The following CTRC variants were observed in gnomAD, a reference collection of about 807,000 sequenced individuals.
CTRC encodes chymotrypsin C.
In CTRC, 32 loss-of-function variants were observed where a neutral mutation model predicts 35.7. That is an observed-to-expected ratio of 0.90 (90% CI 0.68 to 1.20). The LOEUF (loss-of-function observed/expected upper bound fraction) is 1.20, where lower values mean the gene tolerates loss of function less well. CTRC is among the 50% of genes most tolerant of loss of function. The pLI is 0.00. For synonymous variants in CTRC, 119 were observed against 149.5 expected, an observed-to-expected ratio of 0.80 and a Z score of 1.49; for missense variants, 324 against 361.5, an observed-to-expected ratio of 0.90 and a Z score of 0.84.
intron 1 of CTRC, 91 bp downstream of exon 1, chr1:15,438,595 C>T: frequency 1.4e-6 from 2 of 1,451,026 alleles, no homozygotes. Context: ...GGGGCCTCTG[C>T]TCTCCAGGTA....
intron 7 of CTRC, among the ~76,000 whole-genome samples, chr1:15,446,061 C>T (rs1708217559): frequency 6.6e-6 from 1 of 152,178 alleles, no homozygotes; most frequent in Non-Finnish European, 1.5e-5. Flanking sequence ...CATTCATTTG[C>T]TCATTCAGTG....
rs1708246073 is a variant in CTRC, at chr1:15,448,039, A to G, written c.*1450A>G. 6.6e-6 allele frequency: 1 copy of G among 152,222 alleles called. No individual in the cohort carries two copies. Among genetic ancestry groups the G allele is most frequent in the Non-Finnish European group, 1.5e-5 (1 of 68,048 alleles). The allele number at this position is 152,222 out of a possible 1,614,324, so 9.4% of individuals were successfully genotyped here. A position where few individuals can be genotyped will look rare whatever the true frequency, so the allele number is the denominator to read the frequency against. ...TGAAGCAGTGTCAGTTGGCGGGAGG[A>G]ATCCAGGATGGCTTCCTGGAGGTGA... On this transcript the variant is annotated 3_prime_UTR_variant, in exon 8 of 8. Coordinates refer to ENST00000375949, the MANE Select transcript of CTRC (RefSeq NM_007272.3).
intron 7 of CTRC, among the ~76,000 whole-genome samples, 191 bp from the exon 8 acceptor site, chr1:15,446,384 T>C (rs937969608): frequency 6.6e-6 from 1 of 152,158 alleles, no homozygotes; most frequent in Admixed American, 6.5e-5. Flanking sequence ...ACAGAGTGTG[T>C]TCCAAGACCC....
At chr1:15,446,474 GC>G (rs1708223213) in intron 7 of CTRC, 100 bp from the exon 8 acceptor site, 15 of 1,186,746 alleles carry the variant, frequency 1.3e-5, no homozygotes, top group Middle Eastern at 1.9e-4. Context: ...GCCGGGGGCT[GC>G]TGGCCATGCC....
Position 15,442,374 on chromosome 1 carries a change from C to T in CTRC, c.231-73C>T, listed in dbSNP as rs1009392365. On this transcript the variant is annotated intron_variant, in intron 3 of 7. Coordinates refer to ENST00000375949, the MANE Select transcript of CTRC (RefSeq NM_007272.3). ...CCCAAAATGAGTCCCACTAAAGCCC[C>T]GAGCTCCCTCTCTATCCCACTGGCT... The T allele has an allele frequency of 3.6e-5, 55 of 1,547,090 alleles. 1 individual carries two copies. The Admixed American group carries it at 6.2e-4, about 18-fold the overall frequency.
In CTRC at chr1:15,447,789, T is replaced by C. The variant is rs1708243126; in HGVS notation, c.*1200T>C. On this transcript the variant is annotated 3_prime_UTR_variant, in exon 8 of 8. Transcript: ENST00000375949. ...CTTTGTCCCCTGGGAGTGGGGACCA[T>C]GGTGTGACTCCCACACCCCCATGAT... is the stretch of plus-strand genomic sequence containing the variant. The C allele has an allele frequency of 6.6e-6, 1 of 152,166 alleles. No individual in the cohort carries two copies. Among genetic ancestry groups the C allele is most frequent in the Non-Finnish European group, 1.5e-5 (1 of 68,058 alleles). The allele number at this position is 152,166 out of a possible 1,614,324, so 9.4% of individuals were successfully genotyped here.
chr1:15,440,522 G>A lies in CTRC; in HGVS notation c.162G>A (p.Thr54=), dbSNP rs756090858. The A allele has an allele frequency of 9.3e-6, 15 of 1,614,076 alleles. No homozygotes were observed. The highest frequency in any genetic ancestry group is 5.0e-5 in the Admixed American group (3 of 60,010). The part of the protein sequence containing the change: ...QISLQYLKND[T]WRHTCGGTLI... ...CCCTCCAGTACCTCAAGAACGACACGTGGAGGCATACGTGTGGCGGGACTT... is the reference window on the plus strand; with the variant it reads ...CCCTCCAGTACCTCAAGAACGACACATGGAGGCATACGTGTGGCGGGACTT... The change falls in exon 3 of 8, where the codon ACG becomes ACA. Residue 54 remains threonine, a synonymous_variant. Coordinates refer to ENST00000375949, the MANE Select transcript of CTRC (RefSeq NM_007272.3).
At chr1:15,441,786 A>T (rs2103290246) in intron 3 of CTRC, among the ~76,000 whole-genome samples, 1 of 150,686 alleles carries the variant, frequency 6.6e-6, no homozygotes, top group African/African-American at 2.4e-5. Flanking sequence ...CAATCCTCCC[A>T]CCTTAGCCTC....
At chr1:15,445,863 C>A in intron 7 of CTRC, 114 bp downstream of exon 7, 2 of 1,251,718 alleles carry the variant, frequency 1.6e-6, no homozygotes, top group Non-Finnish European at 2.3e-6. Context: ...TTTATTCACT[C>A]ATTCATGCAT....
In CTRC at chr1:15,446,940, C is replaced by T. The variant is rs979945680; in HGVS notation, c.*351C>T. 5 of 424,690 alleles carry T rather than the reference C, an allele frequency of 1.2e-5. No individual in the cohort carries two copies. Among genetic ancestry groups the T allele is most frequent in the East Asian group, 5.2e-5 (1 of 19,332 alleles). The allele number at this position is 424,690 out of a possible 1,614,324, so 26.3% of individuals were successfully genotyped here. A position where few individuals can be genotyped will look rare whatever the true frequency, so the allele number is the denominator to read the frequency against. On this transcript the variant is annotated 3_prime_UTR_variant, in exon 8 of 8. Transcript: ENST00000375949. ...CTTCCCCGCTCCATCTCACAAGCTGCGAACAGGTGAGACCCTGATGAAATC... is the reference window on the plus strand; with the variant it reads ...CTTCCCCGCTCCATCTCACAAGCTGTGAACAGGTGAGACCCTGATGAAATC...
In CTRC at chr1:15,446,707, C is replaced by T. The variant is rs1404688480; in HGVS notation, c.*118C>T. On this transcript the variant is annotated 3_prime_UTR_variant, in exon 8 of 8. Coordinates refer to ENST00000375949, the MANE Select transcript of CTRC (RefSeq NM_007272.3). ...GTTGCTTCCCTCCTCTCTGGTGCTGCCCCTTTCCACACTATGGAGCCAAAG... is the reference window on the plus strand; with the variant it reads ...GTTGCTTCCCTCCTCTCTGGTGCTGTCCCTTTCCACACTATGGAGCCAAAG... 8.5e-7 allele frequency: 1 copy of T among 1,179,372 alleles called. No homozygotes were observed. Among genetic ancestry groups the T allele is most frequent in the Non-Finnish European group, 1.3e-6 (1 of 788,322 alleles). 73.1% of individuals were successfully genotyped at this position (1,179,372 alleles called of 1,614,324 possible).
chr1:15,445,827 C>A, intron 7 of CTRC, 78 bp downstream of exon 7: 2 of 1,519,420 alleles, frequency 1.3e-6, no homozygotes, highest in South Asian at 1.1e-5. Flanking sequence ...CTCATTCACT[C>A]ATTCATGCGT....
chr1:15,441,831 G>A (rs1337392026), intron 3 of CTRC, among the ~76,000 whole-genome samples: 2 of 151,342 alleles, frequency 1.3e-5, no homozygotes, highest in African/African-American at 2.4e-5. Flanking sequence ...ACGCCACCAC[G>A]CATTCCCAGC....
At chr1:15,440,254 G>C in intron 1 of CTRC, 46 bp from the exon 2 acceptor site, 1 of 944,032 alleles carries the variant, frequency 1.1e-6, no homozygotes, top group South Asian at 1.4e-5. Flanking sequence ...TTCCCCGTGG[G>C]CTACCAGCCC....
chr1:15,448,573 C>G lies in CTRC; in HGVS notation c.*1984C>G, dbSNP rs1433119946. ...GTGTTAGCCAGGATGGTCTCGATCTCCTGATCTCGTGATCCACCTGCCTCG... is the reference window on the plus strand; with the variant it reads ...GTGTTAGCCAGGATGGTCTCGATCTGCTGATCTCGTGATCCACCTGCCTCG... On this transcript the variant is annotated 3_prime_UTR_variant, in exon 8 of 8. Coordinates refer to ENST00000375949, the MANE Select transcript of CTRC (RefSeq NM_007272.3). 2 of 151,900 alleles carry G rather than the reference C, an allele frequency of 1.3e-5. No individual in the cohort carries two copies. Among genetic ancestry groups the G allele is most frequent in the East Asian group, 1.9e-4 (1 of 5,164 alleles). 9.4% of individuals were successfully genotyped at this position (151,900 alleles called of 1,614,324 possible). A position where few individuals can be genotyped will look rare whatever the true frequency, so the allele number is the denominator to read the frequency against.
intron 3 of CTRC, 24 bp from the exon 4 acceptor site, chr1:15,442,423 A>C: frequency 6.3e-7 from 1 of 1,598,332 alleles, no homozygotes; most frequent in Non-Finnish European, 8.5e-7. Context: ...GGCCACCCTG[A>C]CCTGGACCCC....
At position 15,446,630 on chromosome 1, in the gene CTRC, A is replaced by C. The variant is rs1042576944; in HGVS notation, c.*41A>C. On this transcript the variant is annotated 3_prime_UTR_variant, in exon 8 of 8. Coordinates refer to ENST00000375949, the MANE Select transcript of CTRC (RefSeq NM_007272.3). ...GGCGGCAGCGAGTCCCTGCAACAGC[A>C]ATAAACTTCCTTCTCCTCGGGCCAC... 3.1e-6 allele frequency: 5 copies of C among 1,613,244 alleles called. No homozygotes were observed. Among genetic ancestry groups the C allele is most frequent in the Non-Finnish European group, 4.2e-6 (5 of 1,179,326 alleles).
intron 1 of CTRC, 68 bp from the exon 2 acceptor site, chr1:15,440,232 C>CCCCCCCCCCCCCTCCCCCCCGGG: frequency 1.8e-6 from 1 of 571,086 alleles, no homozygotes; most frequent in Non-Finnish European, 3.4e-6. Context: ...ACCTGCCCAC[C>CCCCCCCCCCCCCTCCCCCCCGGG]CTCCCACCCC....
chr1:15,444,778 C>T (rs1181245072), intron 6 of CTRC, 27 bp downstream of exon 6: 2 of 1,613,970 alleles, frequency 1.2e-6, no homozygotes, highest in African/African-American at 1.3e-5. Context: ...TGCACCTTGT[C>T]CCTACTCCAA....
Sources: gnomAD v4.1 joint callset for allele counts (sites outside exome capture counted in the v4.1 genomes callset) on GRCh38, gnomAD v4.1.1 for gene constraint, MANE v1.5 for transcripts, NCBI Gene and HGNC (gene_info 2026-07-23, HGNC 2026-07-21) for gene names.